HDGFL3: variants seen among roughly 807,000 people sequenced by gnomAD.
The protein encoded by HDGFL3 is HDGF like 3, also known as hepatoma-derived growth factor-related protein 3.
Under a neutral mutation model 27.6 loss-of-function variants are expected in HDGFL3, and 6 were observed. That is an observed-to-expected ratio of 0.22 (90% CI 0.12 to 0.43). HDGFL3 has a LOEUF of 0.43. HDGFL3 is among the 20% of genes least tolerant of loss of function. The pLI is 1.00. For synonymous variants in HDGFL3, 88 were observed against 88.9 expected, an observed-to-expected ratio of 0.99 and a Z score of 0.05; for missense variants, 207 against 250.1, an observed-to-expected ratio of 0.83 and a Z score of 1.16.
intron 1 of HDGFL3, among the ~76,000 whole-genome samples, chr15:83,180,065 A>T (rs1477868149): frequency 1.3e-5 from 2 of 151,994 alleles, no homozygotes; most frequent in Non-Finnish European, 2.9e-5. Context: ...GAAACAGTAG[A>T]TGCCAAACCT....
chr15:83,194,697 C>G (rs924570474), intron 1 of HDGFL3, among the ~76,000 whole-genome samples: 1 of 152,076 alleles, frequency 6.6e-6, no homozygotes, highest in African/African-American at 2.4e-5. Flanking sequence ...AGTGTGAATT[C>G]CTTATCTCCT....
chr15:83,125,403 T>C (rs2035652780), downstream of HDGFL3, among the ~76,000 whole-genome samples: 1 of 152,260 alleles, frequency 6.6e-6, no homozygotes, highest in Non-Finnish European at 1.5e-5. Flanking sequence ...GTTAGAATCC[T>C]GGCCACTTAC....
chr15:83,115,885 C>A (rs769376781), intron 3 of HDGFL3: 2 of 1,614,202 alleles, frequency 1.2e-6, no homozygotes, highest in South Asian at 2.2e-5. Context: ...TGAACCTCAT[C>A]ATAGGACTGG....
rs2036037616 is a variant in HDGFL3 at position 83,129,288 on chromosome 15, C to T, written c.*9982G>A. ...TTTGTCTAAGGATAGGCTATGTGCT[C>T]TGCTGCTGTAACAAATACTCAGAGT... On this transcript the variant is annotated 3_prime_UTR_variant, in exon 6 of 6. Transcript: ENST00000299633. 6.6e-6 allele frequency: 1 copy of T among 152,218 alleles called. No homozygotes were observed. The highest frequency in any genetic ancestry group is 2.4e-5 in the African/African-American group (1 of 41,454). 9.4% of individuals were successfully genotyped at this position (152,218 alleles called of 1,614,324 possible). A position where few individuals can be genotyped will look rare whatever the true frequency, so the allele number is the denominator to read the frequency against.
At chr15:83,181,080 T>C (rs192907805) in intron 1 of HDGFL3, 114 of 152,330 alleles carry the variant, frequency 7.5e-4, no homozygotes, top group African/African-American at 2.5e-3. Flanking sequence ...CTACTAGTGA[T>C]AGAACAATCT....
intron 4 of HDGFL3, among the ~76,000 whole-genome samples, chr15:83,154,075 G>A (rs2036996377): frequency 6.6e-6 from 1 of 151,978 alleles, no homozygotes; most frequent in Non-Finnish European, 1.5e-5. Flanking sequence ...AGCACTCTGG[G>A]AGGTTGAGGC....
At chr15:83,198,066 A>AAAAAAAAAAAAAAAAAAAAAC in intron 1 of HDGFL3, among the ~76,000 whole-genome samples, 1 of 150,592 alleles carries the variant, frequency 6.6e-6, no homozygotes, top group African/African-American at 2.4e-5. Flanking sequence ...AAAAAAAAAA[A>AAAAAAAAAAAAAAAAAAAAAC]AAAAAAAAGA....
At chr15:83,161,796 A>G (rs2037104993) in intron 2 of HDGFL3, among the ~76,000 whole-genome samples, 1 of 152,118 alleles carries the variant, frequency 6.6e-6, no homozygotes, top group Non-Finnish European at 1.5e-5. Flanking sequence ...TCCCCTCTCA[A>G]TTGGTTAATT....
chr15:83,197,627 A>T (rs983379816), intron 1 of HDGFL3, among the ~76,000 whole-genome samples: 1 of 152,182 alleles, frequency 6.6e-6, no homozygotes, highest in African/African-American at 2.4e-5. Flanking sequence ...CATCATCTTC[A>T]GTCATAGCTT....
At chr15:83,120,036 T>C (rs889377161) in intron 3 of HDGFL3, 2 of 237,044 alleles carry the variant, frequency 8.4e-6, no homozygotes, top group African/African-American at 4.5e-5. Flanking sequence ...TCAAAGCTTC[T>C]GTCCTTCCCC....
At chr15:83,177,916 A>T (rs897361955) in intron 1 of HDGFL3, among the ~76,000 whole-genome samples, 2 of 152,232 alleles carry the variant, frequency 1.3e-5, no homozygotes, top group Non-Finnish European at 2.9e-5. Flanking sequence ...GATAATATTA[A>T]AAACAATAGT....
At position 83,207,101 on chromosome 15, in the gene HDGFL3, C is replaced by T. The variant is rs532259079; in HGVS notation, c.84+230G>A. On this transcript the variant is annotated intron_variant, in intron 1 of 5. Transcript: ENST00000299633. This position sits in a 1 kb window ranked among gnomAD's most constrained non-coding sequence, Gnocchi z 4.8. ...GTCGGGCCTGCGGGGGCCGGACCCG[C>T]CTTCGAAAGTGGGCGGAAGGATGGC... Among the ~76,000 whole-genome samples, 215 of 152,298 alleles carry T rather than the reference C, an allele frequency of 1.4e-3. 1 individual carries two copies. The highest frequency in any genetic ancestry group is 3.4e-3 in the Middle Eastern group (1 of 290).
intron 1 of HDGFL3, among the ~76,000 whole-genome samples, chr15:83,181,775 C>CT (rs1248159966): frequency 1.3e-5 from 2 of 152,166 alleles, no homozygotes; most frequent in African/African-American, 4.8e-5. Flanking sequence ...CATGCCTGGC[C>CT]CTTATAGTCA....
intron 1 of HDGFL3, among the ~76,000 whole-genome samples, chr15:83,198,234 C>T (rs1251690746): frequency 1.3e-5 from 2 of 151,860 alleles, no homozygotes; most frequent in African/African-American, 2.4e-5. Context: ...AATTTATGTT[C>T]GTGTGACCTT....
chr15:83,169,657 T>G (rs958793111), intron 1 of HDGFL3, among the ~76,000 whole-genome samples: 9 of 151,496 alleles, frequency 5.9e-5, no homozygotes, highest in African/African-American at 1.9e-4. Flanking sequence ...CAAAATTAGC[T>G]GGGAGTGGTG....
intron 1 of HDGFL3, among the ~76,000 whole-genome samples, chr15:83,204,674 T>C (rs2037695329): frequency 6.6e-6 from 1 of 152,208 alleles, no homozygotes; most frequent in African/African-American, 2.4e-5. Context: ...AAAGGAAAGT[T>C]AGAAATTCAA....
chr15:83,194,316 C>T (rs2037545536), intron 1 of HDGFL3, among the ~76,000 whole-genome samples: 1 of 152,100 alleles, frequency 6.6e-6, no homozygotes, highest in South Asian at 2.1e-4. Context: ...AAAACACATA[C>T]CGTATAATTC....
At chr15:83,127,555 T>C, downstream of HDGFL3, 1 of 1,544,426 alleles carries the variant, frequency 6.5e-7, no homozygotes, top group Non-Finnish European at 8.9e-7. Context: ...ACTTCTCTGC[T>C]CAGTGTTTTA....
rs571895953 is a variant in HDGFL3 at position 83,163,958 on chromosome 15, G to A, written c.161+41C>T. 32 of 1,235,880 alleles carry A rather than the reference G, an allele frequency of 2.6e-5. No homozygotes were observed. In the African/African-American group the frequency reaches 3.9e-4, roughly 15 times the overall value. 76.6% of individuals were successfully genotyped at this position (1,235,880 alleles called of 1,614,324 possible). On this transcript the variant is annotated intron_variant, in intron 2 of 5. Transcript: ENST00000299633. ...TCATCCATAACAATGTAGCATAGCA[G>A]AGTCAAGCTAGAGCTGTTGAAACTA...
Sources: allele counts gnomAD v4.1 joint callset (sites outside exome capture counted in the v4.1 genomes callset), GRCh38; gene constraint gnomAD v4.1.1; non-coding constraint Gnocchi (gnomAD v3.1); transcripts MANE v1.5; gene names NCBI Gene and HGNC (gene_info 2026-07-23, HGNC 2026-07-21).